Variants in PTPN14 observed in about 807,000 individuals in gnomAD.
PTPN14 encodes the protein tyrosine-protein phosphatase non-receptor type 14.
In PTPN14, 53 loss-of-function variants were observed where a neutral mutation model predicts 126.8. That is an observed-to-expected ratio of 0.42 (90% confidence interval 0.34 to 0.53). The LOEUF (loss-of-function observed/expected upper bound fraction) is 0.53. PTPN14 is among the 20% of genes least tolerant of loss of function. PTPN14 has a pLI of 0.08. For synonymous variants in PTPN14, 630 were observed against 599.3 expected (o/e 1.05, Z -0.75); for missense variants, 1,257 against 1,552.9 (o/e 0.81, Z 3.20).
At chr1:214,507,188 G>A (rs1196076742) in intron 1 of PTPN14, among the ~76,000 whole-genome samples, 1 of 152,144 alleles carries the variant, frequency 6.6e-6, no homozygotes, top group Non-Finnish European at 1.5e-5. Context: ...CAAAGGTAAG[G>A]AATGGTTAAC....
At position 214,504,189 on chromosome 1, in the gene PTPN14, GC is replaced by G. The variant is rs546324477; in HGVS notation, c.-154-39233del. On this transcript the variant is annotated intron_variant, in intron 1 of 18. Transcript: ENST00000366956. ...AACAACTGCCGCTGCCTCTCCGTTAGCCCTACCTCTGCGAAGACCTTTATAT... is the reference window on the plus strand; with the variant it reads ...AACAACTGCCGCTGCCTCTCCGTTAGCCTACCTCTGCGAAGACCTTTATAT... Among the ~76,000 whole-genome samples the G allele has an allele frequency of 3.2e-3, 486 of 152,200 alleles. 1 individual carries two copies. The highest frequency in any genetic ancestry group is 0.011 in the African/African-American group (462 of 41,516).
rs193011904 is a variant in PTPN14, at chr1:214,361,250, G to A, written c.3436-3200C>T. On this transcript the variant is annotated intron_variant, in intron 18 of 18. Coordinates refer to ENST00000366956, the MANE Select transcript of PTPN14 (RefSeq NM_005401.5). ...TACTATCAGGCTCTTAGAATAGTGC[G>A]TATACATGGTAAACACTAGACACAA... is the stretch of plus-strand genomic sequence containing the variant. Among the ~76,000 whole-genome samples, 28 of 152,242 alleles carry A rather than the reference G, an allele frequency of 1.8e-4. No homozygotes were observed. In the East Asian group the frequency reaches 2.1e-3, roughly 12 times the overall value.
At chr1:214,448,193 T>C (rs1487824241) in intron 3 of PTPN14, among the ~76,000 whole-genome samples, 8 of 152,200 alleles carry the variant, frequency 5.3e-5, no homozygotes, top group Non-Finnish European at 8.8e-5. Context: ...CATTGATTCC[T>C]GAGGCTGGGT....
At position 214,363,985 on chromosome 1, in the gene PTPN14, C is replaced by T. The variant is rs138943252; in HGVS notation, c.3435+527G>A. ...GCTGATGCAAAGACGGGGATGTTTG[C>T]GTGCTCAAAGTATCTACTCTGCTCC... On this transcript the variant is annotated intron_variant, in intron 18 of 18. Transcript: ENST00000366956. Among the ~76,000 whole-genome samples, 181 of 152,252 alleles carry T rather than the reference C, an allele frequency of 1.2e-3. 3 individuals are homozygous for T. In the East Asian group the frequency reaches 0.029, roughly 24 times the overall value.
intron 16 of PTPN14, chr1:214,372,119 G>C (rs1658231688): frequency 6.6e-6 from 1 of 152,658 alleles, no homozygotes; most frequent in Non-Finnish European, 1.5e-5. Flanking sequence ...TTGACTGGCA[G>C]TGTAGGCTGG....
intron 1 of PTPN14, among the ~76,000 whole-genome samples, chr1:214,512,641 C>T (rs1051934823): frequency 2.6e-5 from 4 of 152,092 alleles, no homozygotes; most frequent in African/African-American, 9.7e-5. Context: ...ATGAGTTGCA[C>T]ACTTAAAAAA....
chr1:214,383,104 T>C lies in PTPN14; in HGVS notation c.2544+207A>G, dbSNP rs1658511001. 1.3e-5 allele frequency among the ~76,000 whole-genome samples: 2 copies of C among 152,206 alleles called. No homozygotes were observed. Among genetic ancestry groups the C allele is most frequent in the Admixed American group, 1.3e-4 (2 of 15,290 alleles). ...GCACTGGCCTCAATAACGTACCAAG[T>C]ACACCTGTTAGAAGCCACAAATGAG... On this transcript the variant is annotated intron_variant, in intron 13 of 18. Transcript: ENST00000366956. This position sits in a 1 kb window ranked among gnomAD's most constrained non-coding sequence, Gnocchi z 4.4.
At chr1:214,479,816 T>A (rs1558121966) in intron 1 of PTPN14, among the ~76,000 whole-genome samples, 1 of 152,112 alleles carries the variant, frequency 6.6e-6, no homozygotes, top group Non-Finnish European at 1.5e-5. Flanking sequence ...ATATTGGAAA[T>A]GACAGAAAAC....
In PTPN14 at chr1:214,517,519, CCAAAAATCTAATCATAG is replaced by C. The variant is rs1655133941; in HGVS notation, c.-155+33647_-155+33663del. ...AAAAAAAACATAAAGTAAGAAATAC[CCAAAAATCTAATCATAG>C]CACTAGCCAGAGGCCATAAATGAAA... On this transcript the variant is annotated intron_variant, in intron 1 of 18. Coordinates refer to ENST00000366956, the MANE Select transcript of PTPN14 (RefSeq NM_005401.5). Among the ~76,000 whole-genome samples, 3 of 150,302 alleles carry C rather than the reference CCAAAAATCTAATCATAG, an allele frequency of 2.0e-5. No homozygotes were observed. In the South Asian group the frequency reaches 6.3e-4, roughly 32 times the overall value.
intron 1 of PTPN14, among the ~76,000 whole-genome samples, chr1:214,519,695 G>A (rs1655194633): frequency 6.6e-6 from 1 of 151,984 alleles, no homozygotes; most frequent in South Asian, 2.1e-4. Context: ...AAATTAATCT[G>A]GATTATTAAT....
Position 214,348,715 on chromosome 1 carries a change from A to C in PTPN14, c.*9207T>G, listed in dbSNP as rs1657647275. ...AAGATGTAACTTTTCTCTGAAAAAAAGGTTTATTGCATATGGAAATCAATA... is the reference window on the plus strand; with the variant it reads ...AAGATGTAACTTTTCTCTGAAAAAACGGTTTATTGCATATGGAAATCAATA... On this transcript the variant is annotated 3_prime_UTR_variant, in exon 19 of 19. Coordinates refer to ENST00000366956, the MANE Select transcript of PTPN14 (RefSeq NM_005401.5). 1 of 152,218 alleles carries C rather than the reference A, an allele frequency of 6.6e-6. No individual in the cohort carries two copies. The highest frequency in any genetic ancestry group is 6.5e-5 in the Admixed American group (1 of 15,288). The allele number at this position is 152,218 out of a possible 1,614,324, so 9.4% of individuals were successfully genotyped here.
At chr1:214,473,305 T>C (rs6689084) in intron 1 of PTPN14, among the ~76,000 whole-genome samples, 109,178 of 152,130 alleles carry the variant, frequency 0.72, 40,311 homozygotes, top group Middle Eastern at 0.8. Flanking sequence ...TTCCTCTTTA[T>C]TGAATTACCA....
chr1:214,441,196 T>C (rs1255705302), intron 3 of PTPN14, among the ~76,000 whole-genome samples: 1 of 152,240 alleles, frequency 6.6e-6, no homozygotes, highest in East Asian at 1.9e-4. Context: ...GCCCACTTTA[T>C]AGAGTTCTAG....
chr1:214,379,636 A>C (rs963206689), intron 13 of PTPN14, among the ~76,000 whole-genome samples: 1 of 152,222 alleles, frequency 6.6e-6, no homozygotes, highest in Admixed American at 6.5e-5. Flanking sequence ...TTCTATTCAA[A>C]GTCACCCCTC....
intron 1 of PTPN14, among the ~76,000 whole-genome samples, chr1:214,527,626 A>T (rs1029497293): frequency 1.3e-5 from 2 of 152,188 alleles, no homozygotes; most frequent in Admixed American, 6.5e-5. Flanking sequence ...TATTGACATA[A>T]CAGTGTTTCC....
chr1:214,447,088 A>G (rs1660160643), intron 3 of PTPN14, among the ~76,000 whole-genome samples: 1 of 152,220 alleles, frequency 6.6e-6, no homozygotes, highest in Non-Finnish European at 1.5e-5. Flanking sequence ...GCCAAAGCCC[A>G]TCTCCACCTG....
intron 1 of PTPN14, among the ~76,000 whole-genome samples, chr1:214,544,317 G>A: frequency 6.6e-6 from 1 of 152,154 alleles, no homozygotes; most frequent in Non-Finnish European, 1.5e-5. Context: ...TGTGGTCCCA[G>A]CTACTTGAGA....
At chr1:214,504,015 C>T (rs922457253) in intron 1 of PTPN14, among the ~76,000 whole-genome samples, 1 of 152,188 alleles carries the variant, frequency 6.6e-6, no homozygotes, top group African/African-American at 2.4e-5. Context: ...CTTCCTCAAA[C>T]ACACCTCTTC....
intron 3 of PTPN14, among the ~76,000 whole-genome samples, chr1:214,422,400 G>A (rs1023872903): frequency 1.3e-5 from 2 of 152,132 alleles, no homozygotes; most frequent in East Asian, 1.9e-4. Flanking sequence ...CATGCTAACC[G>A]GCCAACCAAA....
Sources: allele counts gnomAD v4.1 joint callset (sites outside exome capture counted in the v4.1 genomes callset), GRCh38; gene constraint gnomAD v4.1.1; non-coding constraint Gnocchi (gnomAD v3.1); transcripts MANE v1.5; gene names NCBI Gene and HGNC (gene_info 2026-07-23, HGNC 2026-07-21).